Variants in PTPN13 observed in about 807,000 individuals in gnomAD.
The protein encoded by PTPN13 is tyrosine-protein phosphatase non-receptor type 13.
Under a neutral mutation model 284.0 loss-of-function variants are expected in PTPN13, and 191 were observed. The observed-to-expected ratio is 0.67, with a 90% CI of 0.60 to 0.76. The LOEUF (loss-of-function observed/expected upper bound fraction) is 0.76. Among genes scored for constraint, PTPN13 ranks in the 30% least tolerant of loss-of-function variants. The pLI, the probability that PTPN13 is intolerant of heterozygous loss-of-function variation, is 0.00. For synonymous variants in PTPN13, 986 were observed against 1,022.3 expected, an observed-to-expected ratio of 0.96 and a Z score of 0.68; for missense variants, 2,797 against 2,939.9, an observed-to-expected ratio of 0.95 and a Z score of 1.12.
rs1740546490 is a variant in PTPN13, at chr4:86,775,614, A to G, written c.5853A>G (p.Leu1951=). 7.4e-6 allele frequency: 12 copies of G among 1,613,072 alleles called. No homozygotes were observed. The highest frequency in any genetic ancestry group is 1.0e-5 in the Non-Finnish European group (12 of 1,179,578). Reference sequence around the variant, plus strand: ...CCTTGGAGGAAGTTAACAGAGCATTAGACATGTCACTTCCTTCATTGGTAT... The same window carrying G: ...CCTTGGAGGAAGTTAACAGAGCATTGGACATGTCACTTCCTTCATTGGTAT... ...GMTLEEVNRA[L]DMSLPSLVLK... Residue 1951 remains leucine, a synonymous_variant, in exon 35 of 48, where the codon TTA becomes TTG. Transcript: ENST00000411767.
Position 86,751,061 on chromosome 4 carries a change from G to T in PTPN13, c.3103G>T (p.Glu1035Ter). ...TGTTGCGAGTTTAAATAGAAGTCCT[G>T]AAAGGAGGAAACATGAATCAGACTC... The part of the protein sequence containing the change: ...KSVASLNRSP[E>*]RRKHESDSSS... The change falls in exon 19 of 48, where the codon GAA (glutamate) becomes TAA (stop). Residue 1035 changes from glutamate (E) to a stop codon, truncating the protein, a stop_gained. Coordinates refer to ENST00000411767, the MANE Select transcript of PTPN13 (RefSeq NM_080683.3). LOFTEE classifies it high-confidence loss of function. 1 of 1,610,118 alleles carries T rather than the reference G, an allele frequency of 6.2e-7. No homozygotes were observed.
At chr4:86,672,041 A>G (rs928118771) in intron 2 of PTPN13, among the ~76,000 whole-genome samples, 4 of 152,220 alleles carry the variant, frequency 2.6e-5, no homozygotes, top group Admixed American at 6.5e-5. Context: ...ATCCATATCT[A>G]TATGTCACGT....
intron 1 of PTPN13, among the ~76,000 whole-genome samples, chr4:86,601,534 A>C (rs1764294564): frequency 1.3e-5 from 2 of 152,122 alleles, no homozygotes; most frequent in Non-Finnish European, 2.9e-5. Flanking sequence ...AATTTCCTTC[A>C]ATTTTTGAAC....
chr4:86,750,468 A>G lies in PTPN13; in HGVS notation c.2651-2A>G. On this transcript the variant is annotated splice_acceptor_variant, in intron 17 of 47. Coordinates refer to ENST00000411767, the MANE Select transcript of PTPN13 (RefSeq NM_080683.3). LOFTEE classifies it high-confidence loss of function. ...ATGTAAAGCAATCCTATTTCCTTGT[A>G]GAGAGAGCTTCGTTTAGGAGCCTGA... is the stretch of plus-strand genomic sequence containing the variant. 1 of 1,609,896 alleles carries G rather than the reference A, an allele frequency of 6.2e-7. No homozygotes were observed. Among genetic ancestry groups the G allele is most frequent in the Non-Finnish European group, 8.5e-7 (1 of 1,178,022 alleles).
At chr4:86,639,984 C>T (rs1397917853) in intron 2 of PTPN13, among the ~76,000 whole-genome samples, 1 of 152,064 alleles carries the variant, frequency 6.6e-6, no homozygotes, top group Non-Finnish European at 1.5e-5. Flanking sequence ...TTCTAAAGAC[C>T]AGGAGCCATG....
intron 20 of PTPN13, among the ~76,000 whole-genome samples, chr4:86,758,046 T>C (rs1439866960): frequency 6.6e-6 from 1 of 152,176 alleles, no homozygotes; most frequent in East Asian, 1.9e-4. Flanking sequence ...TTCAAAAGAA[T>C]AGCTTATGAA....
At chr4:86,656,488 G>A (rs866566550) in intron 2 of PTPN13, among the ~76,000 whole-genome samples, 1 of 152,188 alleles carries the variant, frequency 6.6e-6, no homozygotes, top group Non-Finnish European at 1.5e-5. Flanking sequence ...CAGGTCTGTT[G>A]GAGTTTGCTG....
At chr4:86,762,677 GCA>G in intron 23 of PTPN13, 48 bp from the exon 24 acceptor site, 1 of 1,350,676 alleles carries the variant, frequency 7.4e-7, no homozygotes, top group Non-Finnish European at 1.0e-6. Flanking sequence ...ATGTGTGTAA[GCA>G]CGTGTATCAC....
chr4:86,614,897 A>T (rs1160172920), intron 1 of PTPN13, among the ~76,000 whole-genome samples: 1 of 152,160 alleles, frequency 6.6e-6, no homozygotes, highest in African/African-American at 2.4e-5. Context: ...TGGTTGTATT[A>T]TAATTGTACT....
Position 86,807,881 on chromosome 4 carries a change from C to T in PTPN13, c.7067C>T (p.Thr2356Ile). ...QLKGFVVRAM[T>I]LEDIQTREVR... ...AAGGGCTTTGTGGTGAGGGCAATGACCCTTGAAGATATTCAGGTAAGTGAA... is the reference window on the plus strand; with the variant it reads ...AAGGGCTTTGTGGTGAGGGCAATGATCCTTGAAGATATTCAGGTAAGTGAA... Residue 2356 changes from threonine to isoleucine, a missense_variant, in exon 45 of 48, where the codon ACC becomes ATC. Transcript: ENST00000411767. The T allele has an allele frequency of 2.5e-6, 4 of 1,610,382 alleles. No individual in the cohort carries two copies. Among genetic ancestry groups the T allele is most frequent in the Non-Finnish European group, 3.4e-6 (4 of 1,177,514 alleles).
chr4:86,664,110 C>T (rs770300508), intron 2 of PTPN13, among the ~76,000 whole-genome samples: 17 of 151,968 alleles, frequency 1.1e-4, no homozygotes, highest in Non-Finnish European at 2.4e-4. Flanking sequence ...GTGTAGATTC[C>T]TGTACTCTGT....
intron 1 of PTPN13, among the ~76,000 whole-genome samples, chr4:86,598,720 C>T (rs1181204044): frequency 2.0e-5 from 3 of 151,914 alleles, no homozygotes; most frequent in African/African-American, 7.3e-5. Flanking sequence ...TAGTAGTATT[C>T]AACTCTGCCT....
Position 86,628,401 on chromosome 4 carries a change from T to C in PTPN13, c.-5-6851T>C, listed in dbSNP as rs139295449. On this transcript the variant is annotated intron_variant, in intron 1 of 47. Coordinates refer to ENST00000411767, the MANE Select transcript of PTPN13 (RefSeq NM_080683.3). ...ATGTCCATTCAAATCTAAAAAAAAC[T>C]GGATTGTTTGGTTTTTTAATTATAT... 1.6e-3 allele frequency among the ~76,000 whole-genome samples: 243 copies of C among 152,204 alleles called. 2 individuals carry two copies. The highest frequency in any genetic ancestry group is 5.6e-3 in the African/African-American group (233 of 41,548).
chr4:86,636,344 A>G (rs1189806368), intron 2 of PTPN13, among the ~76,000 whole-genome samples: 1 of 152,204 alleles, frequency 6.6e-6, no homozygotes, highest in African/African-American at 2.4e-5. Flanking sequence ...TGGTTGTCCA[A>G]AAACATTTGA....
chr4:86,719,447 T>C (rs1382498518), intron 9 of PTPN13, among the ~76,000 whole-genome samples: 2 of 152,226 alleles, frequency 1.3e-5, no homozygotes, highest in African/African-American at 4.8e-5. Flanking sequence ...TTCGTGTGTA[T>C]GTGTCTTTAC....
intron 9 of PTPN13, among the ~76,000 whole-genome samples, chr4:86,720,173 A>G (rs1356958638): frequency 1.3e-5 from 2 of 152,228 alleles, no homozygotes; most frequent in Non-Finnish European, 2.9e-5. Context: ...GATATGTGTT[A>G]ACAATTGATT....
At chr4:86,723,841 A>G (rs1399673841) in intron 10 of PTPN13, among the ~76,000 whole-genome samples, 1 of 152,230 alleles carries the variant, frequency 6.6e-6, no homozygotes, top group African/African-American at 2.4e-5. Flanking sequence ...GGTAAAATCT[A>G]GAATGATTTT....
chr4:86,691,261 A>G (rs1484817313), intron 5 of PTPN13, among the ~76,000 whole-genome samples: 1 of 151,888 alleles, frequency 6.6e-6, no homozygotes, highest in African/African-American at 2.4e-5. Flanking sequence ...TAAAAATAGC[A>G]CTTCGAACTG....
intron 7 of PTPN13, among the ~76,000 whole-genome samples, chr4:86,710,643 T>C (rs1306759027): frequency 6.6e-6 from 1 of 152,200 alleles, no homozygotes; most frequent in Admixed American, 6.5e-5. Context: ...ATTGAGACTT[T>C]CAGTTGTCAA....
Sources: allele counts gnomAD v4.1 joint callset (sites outside exome capture counted in the v4.1 genomes callset), GRCh38; gene constraint gnomAD v4.1.1; transcripts MANE v1.5; gene names NCBI Gene and HGNC (gene_info 2026-07-23, HGNC 2026-07-21).